The following GRIN2B variants were observed in gnomAD, a reference collection of about 807,000 sequenced individuals.
GRIN2B encodes the protein glutamate ionotropic receptor NMDA type subunit 2B, also known as glutamate receptor ionotropic, NMDA 2B.
In GRIN2B, 5 loss-of-function variants were observed where a neutral mutation model predicts 114.5. The ratio of observed to expected loss-of-function variants is 0.04; its 90% CI spans 0.02 to 0.09. GRIN2B has a LOEUF of 0.09. Ranked by LOEUF, GRIN2B falls within the 10% of genes least tolerant of loss-of-function variation. The probability of loss-of-function intolerance (pLI) is 1.00; values close to 1 mark genes in which losing one functional copy is unlikely to be tolerated. For synonymous variants in GRIN2B, 787 were observed against 745.1 expected (o/e 1.06, Z -0.92); for missense variants, 1,108 against 1,943.5 (o/e 0.57, Z 8.08).
intron 4 of GRIN2B, among the ~76,000 whole-genome samples, chr12:13,707,842 T>G (rs558027907): frequency 3.9e-5 from 6 of 152,224 alleles, no homozygotes; most frequent in Non-Finnish European, 8.8e-5. Context: ...GCAACAAATC[T>G]CTTTGAGAAT....
intron 4 of GRIN2B, among the ~76,000 whole-genome samples, chr12:13,734,709 ATGTGCT>A (rs1274172006): frequency 2.6e-5 from 4 of 152,194 alleles, no homozygotes; most frequent in Non-Finnish European, 1.5e-5. Flanking sequence ...TTGCACATCT[ATGTGCT>A]ATGCCATAGG....
intron 2 of GRIN2B, among the ~76,000 whole-genome samples, chr12:13,867,894 C>CAAAA (rs35373437): frequency 7.7e-6 from 1 of 130,512 alleles, no homozygotes; most frequent in Non-Finnish European, 1.6e-5. Flanking sequence ...CTGCTTGTTT[C>CAAAA]AAAAAAAAAA....
At chr12:13,636,145 G>A (rs1949663873) in intron 5 of GRIN2B, among the ~76,000 whole-genome samples, 1 of 152,212 alleles carries the variant, frequency 6.6e-6, no homozygotes, top group Admixed American at 6.5e-5. Flanking sequence ...TGAATGTCAT[G>A]TGACTATCTG....
At position 13,734,927 on chromosome 12, in the gene GRIN2B, A is replaced by G. The variant is rs1863153854; in HGVS notation, c.1010+18390T>C. ...AGGGGTAAAAGACTGCCATACTAAGAGAGTGGCCAGTAATGTTATTTGATG... is the reference window on the plus strand; with the variant it reads ...AGGGGTAAAAGACTGCCATACTAAGGGAGTGGCCAGTAATGTTATTTGATG... On this transcript the variant is annotated intron_variant, in intron 4 of 13. Coordinates refer to ENST00000609686, the MANE Select transcript of GRIN2B (RefSeq NM_000834.5). Among the ~76,000 whole-genome samples the G allele has an allele frequency of 2.6e-5, 4 of 152,310 alleles. No homozygotes were observed. In the South Asian group the frequency reaches 6.2e-4, roughly 24 times the overall value.
At chr12:13,568,369 G>T (rs1290934221) in intron 12 of GRIN2B, among the ~76,000 whole-genome samples, 1 of 152,144 alleles carries the variant, frequency 6.6e-6, no homozygotes, top group Non-Finnish European at 1.5e-5. Flanking sequence ...AACTTTGCTT[G>T]CATAATCTGA....
At chr12:13,612,707 C>A (rs1161646653) in intron 8 of GRIN2B, among the ~76,000 whole-genome samples, 1 of 152,190 alleles carries the variant, frequency 6.6e-6, no homozygotes, top group African/African-American at 2.4e-5. Context: ...AAATATCTCT[C>A]TGGCTTGGAG....
In GRIN2B at chr12:13,746,394, G is replaced by A. The variant is rs369316942; in HGVS notation, c.1010+6923C>T. Among the ~76,000 whole-genome samples, 16 of 152,216 alleles carry A rather than the reference G, an allele frequency of 1.1e-4. No individual in the cohort carries two copies. The South Asian group carries it at 1.9e-3, about 18-fold the overall frequency. On this transcript the variant is annotated intron_variant, in intron 4 of 13. Transcript: ENST00000609686. Reference sequence around the variant, plus strand: ...CTGAGGCAGAATCTGTTTTCAGAATGAGGCTTGTCTGCTTTCTCCACTGAG... The same window carrying A: ...CTGAGGCAGAATCTGTTTTCAGAATAAGGCTTGTCTGCTTTCTCCACTGAG...
chr12:13,931,130 A>G (rs1322915630), intron 2 of GRIN2B, among the ~76,000 whole-genome samples: 2 of 152,194 alleles, frequency 1.3e-5, no homozygotes, highest in Admixed American at 6.5e-5. Context: ...AACAGAAAAA[A>G]TATTTAATCT....
chr12:13,749,953 A>C (rs1223494506), intron 4 of GRIN2B, among the ~76,000 whole-genome samples: 1 of 152,180 alleles, frequency 6.6e-6, no homozygotes, highest in Admixed American at 6.5e-5. Flanking sequence ...ATAAGGGAAG[A>C]ATGGAGGTGT....
intron 4 of GRIN2B, among the ~76,000 whole-genome samples, chr12:13,734,276 G>A (rs1044061679): frequency 6.6e-5 from 10 of 152,210 alleles, no homozygotes; most frequent in African/African-American, 9.6e-5. Context: ...ACAAGCTAAT[G>A]AGGATAGTGA....
chr12:13,784,525 C>A (rs983828513), intron 3 of GRIN2B, among the ~76,000 whole-genome samples: 8 of 152,044 alleles, frequency 5.3e-5, no homozygotes, highest in Non-Finnish European at 1.5e-5. Context: ...AATGTGACTT[C>A]GCTGTCTCCC....
In GRIN2B at chr12:13,722,328, G is replaced by A. The variant is rs189786994; in HGVS notation, c.1010+30989C>T. 1.7e-3 allele frequency among the ~76,000 whole-genome samples: 255 copies of A among 152,132 alleles called. 1 individual carries two copies. Among genetic ancestry groups the A allele is most frequent in the African/African-American group, 5.8e-3 (240 of 41,532 alleles). On this transcript the variant is annotated intron_variant, in intron 4 of 13. Transcript: ENST00000609686. ...TACTTGAAATAATATAGTGGAGAAG[G>A]AGAAATAGCAAAGTCCTTGAAAAGG...
intron 10 of GRIN2B, among the ~76,000 whole-genome samples, chr12:13,603,392 G>T (rs1257953325): frequency 1.3e-5 from 2 of 152,086 alleles, no homozygotes; most frequent in Non-Finnish European, 2.9e-5. Context: ...TAGCATCAGG[G>T]TCTAAACAGG....
At chr12:13,898,586 A>G (rs1866391015) in intron 2 of GRIN2B, among the ~76,000 whole-genome samples, 1 of 152,190 alleles carries the variant, frequency 6.6e-6, no homozygotes. Context: ...TCTGCCTGTT[A>G]CATTTCCTGG....
intron 3 of GRIN2B, among the ~76,000 whole-genome samples, chr12:13,849,953 C>G (rs1865530925): frequency 1.3e-5 from 2 of 152,192 alleles, no homozygotes; most frequent in Non-Finnish European, 2.9e-5. Context: ...ATCTTCCAAA[C>G]ACCTGAATAC....
chr12:13,807,749 T>G, intron 3 of GRIN2B, among the ~76,000 whole-genome samples: 1 of 112,200 alleles, frequency 8.9e-6, no homozygotes, highest in East Asian at 2.7e-4. Context: ...GTCAGGCAAG[T>G]CACAGGAAAA....
At chr12:13,703,305 C>A (rs1950328688) in intron 4 of GRIN2B, among the ~76,000 whole-genome samples, 1 of 152,120 alleles carries the variant, frequency 6.6e-6, no homozygotes, top group African/African-American at 2.4e-5. Context: ...TTGCTGATGC[C>A]CACTCTTCAT....
chr12:13,927,931 C>A (rs979700738), intron 2 of GRIN2B, among the ~76,000 whole-genome samples: 1 of 134,776 alleles, frequency 7.4e-6, no homozygotes, highest in African/African-American at 2.9e-5. Context: ...CCCACCACTG[C>A]ACTCCAGCCT....
intron 5 of GRIN2B, among the ~76,000 whole-genome samples, chr12:13,675,008 C>T (rs192161018): frequency 6.6e-6 from 1 of 152,200 alleles, no homozygotes; most frequent in Non-Finnish European, 1.5e-5. Flanking sequence ...TGACATTACT[C>T]TCAGGAATAC....
Sources: allele counts gnomAD v4.1 joint callset (sites outside exome capture counted in the v4.1 genomes callset), GRCh38; gene constraint gnomAD v4.1.1; transcripts MANE v1.5; gene names NCBI Gene and HGNC (gene_info 2026-07-23, HGNC 2026-07-21).